NTM: variants seen among roughly 807,000 people sequenced by gnomAD.
NTM encodes IgLON family member 2.
Under a neutral mutation model 42.1 loss-of-function variants are expected in NTM, and 13 were observed. The ratio of observed to expected loss-of-function variants is 0.31; its 90% confidence interval spans 0.20 to 0.49. The LOEUF (loss-of-function observed/expected upper bound fraction) is 0.49, where lower values mean the gene tolerates loss of function less well. Among genes scored for constraint, NTM ranks in the 20% least tolerant of loss-of-function variants. The probability of loss-of-function intolerance (pLI) is 0.99; values close to 1 mark genes in which losing one functional copy is unlikely to be tolerated. For synonymous variants in NTM, 187 were observed against 179.2 expected, an observed-to-expected ratio of 1.04 and a Z score of -0.35; for missense variants, 373 against 452.8, an observed-to-expected ratio of 0.82 and a Z score of 1.60.
chr11:131,952,326 C>T (rs1191741135), intron 2 of NTM, among the ~76,000 whole-genome samples: 1 of 152,180 alleles, frequency 6.6e-6, no homozygotes, highest in African/African-American at 2.4e-5. Context: ...TATGTTCCTT[C>T]AGGGCAGGAA....
At chr11:131,446,065 CAG>C (rs1380070884) in intron 1 of NTM, among the ~76,000 whole-genome samples, 1 of 152,192 alleles carries the variant, frequency 6.6e-6, no homozygotes, top group Non-Finnish European at 1.5e-5. Flanking sequence ...ATAATTTCTG[CAG>C]AGTTTTCAAA....
In NTM at chr11:131,702,092, A is replaced by G. The variant is rs192324501; in HGVS notation, c.83-209472A>G. 2.6e-5 allele frequency among the ~76,000 whole-genome samples: 4 copies of G among 152,188 alleles called. No homozygotes were observed. The South Asian group carries it at 6.2e-4, about 24-fold the overall frequency. ...CAAATAGCCCAAACCGCCCTCAGAC[A>G]TGGCTTTGTCTTCTTTCCTCTCTAC... On this transcript the variant is annotated intron_variant, in intron 1 of 8. Coordinates refer to ENST00000683400, the MANE Select transcript of NTM (RefSeq NM_001352005.2).
chr11:132,000,763 A>G (rs2069061840), intron 2 of NTM, among the ~76,000 whole-genome samples: 2 of 152,252 alleles, frequency 1.3e-5, no homozygotes, highest in East Asian at 3.8e-4. Context: ...AATAAGAAAT[A>G]GTCTCTGTCA....
chr11:132,175,547 C>T (rs934717994), intron 3 of NTM, among the ~76,000 whole-genome samples: 2 of 152,026 alleles, frequency 1.3e-5, no homozygotes, highest in Non-Finnish European at 2.9e-5. Context: ...CAGATTCTGC[C>T]ATTCTGTGCA....
chr11:131,655,580 G>T (rs1329939352), intron 1 of NTM, among the ~76,000 whole-genome samples: 1 of 152,192 alleles, frequency 6.6e-6, no homozygotes, highest in Non-Finnish European at 1.5e-5. Flanking sequence ...CGTATGGGAG[G>T]CTGTGGGCTT....
intron 2 of NTM, among the ~76,000 whole-genome samples, chr11:132,048,541 G>A (rs1157155828): frequency 2.6e-5 from 4 of 152,164 alleles, no homozygotes; most frequent in Non-Finnish European, 5.9e-5. Flanking sequence ...AGAGTGCAAA[G>A]GGTTCTGCAT....
rs1011718055 is a variant in NTM at position 132,003,992 on chromosome 11, G to C, written c.167+92344G>C. ...AATCAACCATTAGCATAATGTATTAGCATATCTATAGCACAATTATATTTT... is the reference window on the plus strand; with the variant it reads ...AATCAACCATTAGCATAATGTATTACCATATCTATAGCACAATTATATTTT... On this transcript the variant is annotated intron_variant, in intron 2 of 8. Coordinates refer to ENST00000683400, the MANE Select transcript of NTM (RefSeq NM_001352005.2). The surrounding 1 kb of genome is among the most constrained non-coding windows in gnomAD (Gnocchi z 6.0). Among the ~76,000 whole-genome samples, 3 of 152,180 alleles carry C rather than the reference G, an allele frequency of 2.0e-5. No individual in the cohort carries two copies. The highest frequency in any genetic ancestry group is 1.5e-5 in the Non-Finnish European group (1 of 68,052).
chr11:132,024,307 C>G (rs542910473), intron 2 of NTM, among the ~76,000 whole-genome samples: 1 of 152,270 alleles, frequency 6.6e-6, no homozygotes, highest in African/African-American at 2.4e-5. Context: ...AAGGCTTGTG[C>G]AGTTGTCCTG....
intron 1 of NTM, among the ~76,000 whole-genome samples, chr11:131,451,190 T>C (rs889480750): frequency 6.6e-6 from 1 of 152,208 alleles, no homozygotes; most frequent in African/African-American, 2.4e-5. Flanking sequence ...TAAGCACTTA[T>C]GGACCACCAA....
chr11:131,398,960 T>TA (rs1485503137), intron 1 of NTM, among the ~76,000 whole-genome samples: 2 of 152,178 alleles, frequency 1.3e-5, no homozygotes, highest in Non-Finnish European at 2.9e-5. Flanking sequence ...AAAATTACAA[T>TA]AAAAACTGCA....
At chr11:132,323,858 A>G (rs1489675692) in intron 7 of NTM, among the ~76,000 whole-genome samples, 2 of 150,686 alleles carry the variant, frequency 1.3e-5, no homozygotes, top group Admixed American at 6.6e-5. Context: ...CTGGGATGCA[A>G]GGCTGGTTCA....
At position 132,003,709 on chromosome 11, in the gene NTM, C is replaced by T. The variant is rs1024523023; in HGVS notation, c.167+92061C>T. Reference sequence around the variant, plus strand: ...CTCAATCACATGTCCCACATGGAGCCCACTCTTTCCCATGGTACAAAACCC... The same window carrying T: ...CTCAATCACATGTCCCACATGGAGCTCACTCTTTCCCATGGTACAAAACCC... On this transcript the variant is annotated intron_variant, in intron 2 of 8. Transcript: ENST00000683400. The surrounding 1 kb of genome is among the most constrained non-coding windows in gnomAD (Gnocchi z 6.0). Among the ~76,000 whole-genome samples, 3 of 151,418 alleles carry T rather than the reference C, an allele frequency of 2.0e-5. No individual in the cohort carries two copies. Among genetic ancestry groups the T allele is most frequent in the African/African-American group, 7.3e-5 (3 of 41,184 alleles).
chr11:132,311,349 T>A (rs1218206107), intron 6 of NTM, among the ~76,000 whole-genome samples: 4 of 151,960 alleles, frequency 2.6e-5, no homozygotes, highest in South Asian at 2.1e-4. Flanking sequence ...TTTGTTTTTT[T>A]AAAAAAAAAT....
At chr11:131,800,829 G>A (rs936384402) in intron 1 of NTM, among the ~76,000 whole-genome samples, 3 of 152,116 alleles carry the variant, frequency 2.0e-5, no homozygotes, top group Non-Finnish European at 4.4e-5. Flanking sequence ...CCCAATTTAG[G>A]GGTGAGCTTG....
intron 4 of NTM, among the ~76,000 whole-genome samples, chr11:132,285,473 A>G (rs1255408702): frequency 6.6e-6 from 1 of 152,070 alleles, no homozygotes; most frequent in Non-Finnish European, 1.5e-5. Context: ...CCTGACTGAG[A>G]TGGCACTGCT....
chr11:132,294,905 A>C (rs1173111762), intron 4 of NTM, among the ~76,000 whole-genome samples: 1 of 152,208 alleles, frequency 6.6e-6, no homozygotes. Flanking sequence ...CATTTTTATT[A>C]GGGCACACTG....
chr11:131,629,780 G>A (rs1029882927), intron 1 of NTM, among the ~76,000 whole-genome samples: 1 of 152,166 alleles, frequency 6.6e-6, no homozygotes, highest in East Asian at 1.9e-4. Context: ...ACTCAAACTG[G>A]TATTTTGCTA....
chr11:131,962,757 GCAGCCTTCTTGT>G, intron 2 of NTM, among the ~76,000 whole-genome samples: 1 of 152,256 alleles, frequency 6.6e-6, no homozygotes, highest in African/African-American at 2.4e-5. Flanking sequence ...CTCAGCAGCT[GCAGCCTTCTTGT>G]CAGCTGGGGC....
At chr11:131,720,803 G>C (rs2078241315) in intron 1 of NTM, among the ~76,000 whole-genome samples, 1 of 152,134 alleles carries the variant, frequency 6.6e-6, no homozygotes, top group South Asian at 2.1e-4. Flanking sequence ...CTATCTGTAA[G>C]ATCTTGGGTA....
Sources: gnomAD v4.1 joint callset for allele counts (sites outside exome capture counted in the v4.1 genomes callset) on GRCh38, gnomAD v4.1.1 for gene constraint, Gnocchi (gnomAD v3.1) non-coding constraint, MANE v1.5 for transcripts, NCBI Gene and HGNC (gene_info 2026-07-23, HGNC 2026-07-21) for gene names.